Variants in ARHGAP42 observed in about 807,000 individuals in gnomAD.
ARHGAP42 encodes rho GTPase-activating protein 42.
A neutral mutation model predicts 125.0 loss-of-function variants in ARHGAP42; 63 were observed. That is an observed-to-expected ratio of 0.50 (90% confidence interval 0.41 to 0.62). The LOEUF is 0.62. ARHGAP42 is among the 20% of genes least tolerant of loss of function. ARHGAP42 has a pLI of 0.00. For missense variants in ARHGAP42, 766 were observed against 1,024.2 expected, an observed-to-expected ratio of 0.75 and a Z score of 3.44; for synonymous variants, 339 against 351.0, an observed-to-expected ratio of 0.97 and a Z score of 0.38.
intron 2 of ARHGAP42, among the ~76,000 whole-genome samples, chr11:100,790,391 TA>T (rs1302246186): frequency 1.3e-5 from 2 of 152,088 alleles, no homozygotes; most frequent in Non-Finnish European, 2.9e-5. Flanking sequence ...GTTGTAGAGA[TA>T]AAAGGAAACC....
chr11:100,730,277 G>T (rs1819358699), intron 1 of ARHGAP42, among the ~76,000 whole-genome samples: 1 of 151,920 alleles, frequency 6.6e-6, no homozygotes, highest in South Asian at 2.1e-4. Flanking sequence ...CTGCATCATG[G>T]TTTTTTATCT....
chr11:100,979,311 TC>T (rs1382238924), intron 22 of ARHGAP42, among the ~76,000 whole-genome samples: 3 of 152,194 alleles, frequency 2.0e-5, no homozygotes, highest in Non-Finnish European at 4.4e-5. Flanking sequence ...ATTGCTATAA[TC>T]CTTTATACAT....
At chr11:100,692,323 T>A (rs1861205102) in intron 1 of ARHGAP42, among the ~76,000 whole-genome samples, 2 of 152,246 alleles carry the variant, frequency 1.3e-5, no homozygotes, top group African/African-American at 4.8e-5. Flanking sequence ...ATAACATTCA[T>A]GCAATCTTAA....
intron 2 of ARHGAP42, among the ~76,000 whole-genome samples, chr11:100,771,562 C>T (rs1169327399): frequency 6.6e-6 from 1 of 151,922 alleles, no homozygotes; most frequent in African/African-American, 2.4e-5. Flanking sequence ...GAACAGTGAC[C>T]AGTGATTGCC....
intron 4 of ARHGAP42, among the ~76,000 whole-genome samples, chr11:100,878,981 A>C (rs1308623552): frequency 2.0e-5 from 1 of 51,016 alleles, no homozygotes; most frequent in Non-Finnish European, 3.4e-5. Context: ...AGACATGAAC[A>C]ATTTTTTTTT....
intron 1 of ARHGAP42, among the ~76,000 whole-genome samples, chr11:100,722,734 A>G (rs1396740994): frequency 2.0e-5 from 3 of 152,164 alleles, no homozygotes; most frequent in Non-Finnish European, 4.4e-5. Flanking sequence ...GCAAAGCTTT[A>G]CTTCCAGTCT....
At chr11:100,804,847 G>T (rs1488520873) in intron 3 of ARHGAP42, among the ~76,000 whole-genome samples, 2 of 152,144 alleles carry the variant, frequency 1.3e-5, no homozygotes, top group African/African-American at 4.8e-5. Context: ...TGTCGGTAAC[G>T]TCATTTGATT....
chr11:100,697,913 C>T (rs971488723), intron 1 of ARHGAP42, among the ~76,000 whole-genome samples: 1 of 152,116 alleles, frequency 6.6e-6, no homozygotes, highest in African/African-American at 2.4e-5. Flanking sequence ...GTTGTGACAA[C>T]AATTTACATA....
intron 1 of ARHGAP42, among the ~76,000 whole-genome samples, chr11:100,702,344 A>T (rs1157788807): frequency 2.0e-5 from 3 of 152,172 alleles, no homozygotes; most frequent in Non-Finnish European, 4.4e-5. Context: ...GACTAGGTTC[A>T]CTGGCTTTTA....
chr11:100,731,567 A>C (rs1179526853), intron 1 of ARHGAP42, among the ~76,000 whole-genome samples: 1 of 152,238 alleles, frequency 6.6e-6, no homozygotes, highest in Admixed American at 6.5e-5. Flanking sequence ...GTCAATAGAA[A>C]GGGCTGTGTC....
chr11:100,761,505 G>A (rs1374980630), intron 1 of ARHGAP42, among the ~76,000 whole-genome samples: 1 of 152,184 alleles, frequency 6.6e-6, no homozygotes, highest in Non-Finnish European at 1.5e-5. Flanking sequence ...TGAAGTCTTT[G>A]TGGTTTTTCA....
At chr11:100,907,898 T>G (rs939789079) in intron 4 of ARHGAP42, among the ~76,000 whole-genome samples, 3 of 152,180 alleles carry the variant, frequency 2.0e-5, no homozygotes, top group Non-Finnish European at 4.4e-5. Flanking sequence ...TAGCTATTGG[T>G]TTTTACTATT....
intron 17 of ARHGAP42, among the ~76,000 whole-genome samples, chr11:100,970,942 G>T (rs1439411570): frequency 2.0e-5 from 3 of 152,034 alleles, no homozygotes; most frequent in Non-Finnish European, 4.4e-5. Context: ...GCAACCCAGA[G>T]ATAGAGGGCC....
chr11:100,863,869 T>C (rs1435601729), intron 4 of ARHGAP42, among the ~76,000 whole-genome samples: 2 of 152,200 alleles, frequency 1.3e-5, no homozygotes, highest in Non-Finnish European at 2.9e-5. Context: ...AAGCAGGTAT[T>C]CAGAACACTT....
At chr11:100,900,159 C>T (rs529564070) in intron 4 of ARHGAP42, among the ~76,000 whole-genome samples, 1 of 152,136 alleles carries the variant, frequency 6.6e-6, no homozygotes, top group East Asian at 1.9e-4. Flanking sequence ...TTCTCCTTCA[C>T]TTATGAAATT....
chr11:100,905,038 G>A (rs1272741830), intron 4 of ARHGAP42, among the ~76,000 whole-genome samples: 3 of 152,146 alleles, frequency 2.0e-5, no homozygotes, highest in Admixed American at 1.3e-4. Context: ...CCAGGTGTCA[G>A]CATACCCTTA....
chr11:100,765,738 G>A (rs556648177), intron 1 of ARHGAP42, among the ~76,000 whole-genome samples: 2 of 152,228 alleles, frequency 1.3e-5, no homozygotes, highest in East Asian at 3.9e-4. Context: ...TCTGCCTTCT[G>A]CATGGTTGTG....
chr11:100,731,266 C>G (rs1054159161), intron 1 of ARHGAP42, among the ~76,000 whole-genome samples: 1 of 151,984 alleles, frequency 6.6e-6, no homozygotes, highest in Non-Finnish European at 1.5e-5. Context: ...TCAAGGGATT[C>G]TCCTGCCTCA....
intron 1 of ARHGAP42, among the ~76,000 whole-genome samples, chr11:100,768,901 G>T (rs1336479332): frequency 1.3e-5 from 2 of 152,082 alleles, no homozygotes; most frequent in African/African-American, 4.8e-5. Flanking sequence ...TTAACAACAA[G>T]AACACATTTT....
Sources: allele counts gnomAD v4.1 joint callset (sites outside exome capture counted in the v4.1 genomes callset), GRCh38; gene constraint gnomAD v4.1.1; transcripts MANE v1.5; gene names NCBI Gene and HGNC (gene_info 2026-07-23, HGNC 2026-07-21).